Variants in LMO7 observed in about 807,000 individuals in gnomAD.
LMO7 encodes the protein LIM domain 7.
Under a neutral mutation model 206.5 loss-of-function variants are expected in LMO7, and 120 were observed. The observed-to-expected ratio is 0.58, with a 90% confidence interval of 0.50 to 0.68. LMO7 has a LOEUF of 0.68. LMO7 is among the 30% of genes least tolerant of loss of function. The pLI is 0.00. For missense variants in LMO7, 1,959 were observed against 1,957.9 expected (o/e 1.00, Z -0.01); for synonymous variants, 706 against 681.5 (o/e 1.04, Z -0.56).
chr13:75,822,803 A>G (rs2057724265), intron 14 of LMO7, among the ~76,000 whole-genome samples: 1 of 120,006 alleles, frequency 8.3e-6, no homozygotes, highest in African/African-American at 3.1e-5. Context: ...TATAGTTTCT[A>G]AAAATTATAT....
At chr13:75,703,163 A>C (rs1291673614) in intron 1 of LMO7, among the ~76,000 whole-genome samples, 46 of 152,026 alleles carry the variant, frequency 3.0e-4, no homozygotes, top group Non-Finnish European at 7.4e-5. Flanking sequence ...CCCCCCCAAC[A>C]CACACCTGAA....
At chr13:75,750,034 C>T (rs953686662) in intron 3 of LMO7, among the ~76,000 whole-genome samples, 12 of 151,450 alleles carry the variant, frequency 7.9e-5, no homozygotes, top group Admixed American at 2.6e-4. Flanking sequence ...CCATAACAAG[C>T]GATGATTATC....
intron 1 of LMO7, among the ~76,000 whole-genome samples, chr13:75,680,516 A>G (rs575186830): frequency 5.3e-5 from 8 of 151,794 alleles, no homozygotes; most frequent in South Asian, 4.2e-4. Context: ...TCCTTCCAAC[A>G]GTGTAAAAGC....
intron 4 of LMO7, among the ~76,000 whole-genome samples, chr13:75,774,057 T>G (rs2050075843): frequency 6.6e-6 from 1 of 152,172 alleles, no homozygotes; most frequent in Admixed American, 6.5e-5. Flanking sequence ...TTACCCATCT[T>G]TGCCTTTTGT....
At chr13:75,712,124 G>A (rs1170367147) in intron 1 of LMO7, among the ~76,000 whole-genome samples, 2 of 152,236 alleles carry the variant, frequency 1.3e-5, no homozygotes, top group Admixed American at 6.5e-5. Flanking sequence ...TAGGGGGACC[G>A]TGAAGCTGGC....
chr13:75,845,222 TA>T, intron 25 of LMO7, 104 bp from the exon 26 acceptor site: 1 of 562,390 alleles, frequency 1.8e-6, no homozygotes, highest in East Asian at 3.4e-5. Context: ...ACACAGAAAA[TA>T]AATCAACTGC....
intron 1 of LMO7, among the ~76,000 whole-genome samples, chr13:75,692,624 A>C (rs1353222899): frequency 6.6e-6 from 1 of 151,874 alleles, no homozygotes; most frequent in Non-Finnish European, 1.5e-5. Context: ...GAGCCACTGC[A>C]CTCGGCCATT....
At chr13:75,818,849 T>C (rs2057311983) in intron 12 of LMO7, among the ~76,000 whole-genome samples, 1 of 152,174 alleles carries the variant, frequency 6.6e-6, no homozygotes, top group South Asian at 2.1e-4. Flanking sequence ...TGTCTGTCTC[T>C]CCCCTGTAGA....
rs1777950585 is a variant in LMO7 at position 75,636,626 on chromosome 13, C to G, written c.-32C>G. 1.2e-5 allele frequency: 18 copies of G among 1,560,052 alleles called. No homozygotes were observed. The highest frequency in any genetic ancestry group is 1.6e-5 in the Non-Finnish European group (18 of 1,152,814). On this transcript the variant is annotated 5_prime_UTR_variant, in exon 1 of 31. Coordinates refer to ENST00000377534, the MANE Select transcript of LMO7 (RefSeq NM_001306080.2). ...GGACAACCCCTCCCCTCCACGCATCCCGAGTCTCTCTCTCCCTCCCTTGTC... is the reference window on the plus strand; with the variant it reads ...GGACAACCCCTCCCCTCCACGCATCGCGAGTCTCTCTCTCCCTCCCTTGTC...
At chr13:75,725,335 C>T (rs1345416699) in intron 2 of LMO7, among the ~76,000 whole-genome samples, 1 of 152,006 alleles carries the variant, frequency 6.6e-6, no homozygotes, top group Non-Finnish European at 1.5e-5. Flanking sequence ...TCATAATGGC[C>T]TCTAATTTAT....
At chr13:75,791,190 G>T (rs1023413768) in intron 4 of LMO7, among the ~76,000 whole-genome samples, 4 of 151,994 alleles carry the variant, frequency 2.6e-5, no homozygotes, top group Admixed American at 2.6e-4. Flanking sequence ...TGTAAGCTTT[G>T]TATTCAGTCC....
At chr13:75,733,753 C>G (rs542234712) in intron 3 of LMO7, among the ~76,000 whole-genome samples, 1 of 152,216 alleles carries the variant, frequency 6.6e-6, no homozygotes, top group Non-Finnish European at 1.5e-5. Flanking sequence ...TGAGCTGTTC[C>G]TATTCGGCCA....
intron 1 of LMO7, among the ~76,000 whole-genome samples, chr13:75,684,626 CT>C (rs2040825978): frequency 6.6e-6 from 1 of 151,070 alleles, no homozygotes; most frequent in South Asian, 2.1e-4. Flanking sequence ...GTTGGCCAAC[CT>C]TCTTAGGTAA....
At chr13:75,857,750 C>G in intron 30 of LMO7, 171 bp from the exon 31 acceptor site, 2 of 412,350 alleles carry the variant, frequency 4.9e-6, no homozygotes, top group East Asian at 7.1e-5. Flanking sequence ...ATAAAGAATT[C>G]CAGAGACGAG....
At chr13:75,776,162 G>GATACATATATAT (rs2050386060) in intron 4 of LMO7, among the ~76,000 whole-genome samples, 1 of 36,830 alleles carries the variant, frequency 2.7e-5, no homozygotes, top group Admixed American at 3.5e-4. Flanking sequence ...ATATATATCG[G>GATACATATATAT]ATATATATAT....
At chr13:75,685,888 C>G (rs1281717354) in intron 1 of LMO7, among the ~76,000 whole-genome samples, 1 of 129,524 alleles carries the variant, frequency 7.7e-6, no homozygotes, top group African/African-American at 2.8e-5. Context: ...CCTTTTCTTT[C>G]TCTTTTTTTT....
At chr13:75,720,490 A>G (rs1594509614) in intron 2 of LMO7, among the ~76,000 whole-genome samples, 1 of 152,322 alleles carries the variant, frequency 6.6e-6, no homozygotes, top group East Asian at 1.9e-4. Context: ...TCTGTGATCC[A>G]CTTTGAGTTC....
At chr13:75,725,171 C>T (rs1221548910) in intron 2 of LMO7, among the ~76,000 whole-genome samples, 1 of 152,010 alleles carries the variant, frequency 6.6e-6, no homozygotes, top group Non-Finnish European at 1.5e-5. Context: ...TGTACTTTCT[C>T]TTATGAAACC....
intron 1 of LMO7, among the ~76,000 whole-genome samples, chr13:75,670,253 T>G (rs2039443079): frequency 6.6e-6 from 1 of 152,230 alleles, no homozygotes; most frequent in African/African-American, 2.4e-5. Flanking sequence ...CCTGAACACA[T>G]CCTCATGTCC....
Sources: gnomAD v4.1 joint callset for allele counts (sites outside exome capture counted in the v4.1 genomes callset) on GRCh38, gnomAD v4.1.1 for gene constraint, MANE v1.5 for transcripts, NCBI Gene and HGNC (gene_info 2026-07-23, HGNC 2026-07-21) for gene names.